The following ERI2 variants were observed in gnomAD, a reference collection of about 807,000 sequenced individuals.
ERI2 encodes the protein ERI1 exoribonuclease family member 2, also known as ERI1 exoribonuclease 2.
A neutral mutation model predicts 46.8 loss-of-function variants in ERI2; 35 were observed. The observed-to-expected ratio is 0.75, with a 90% CI of 0.57 to 0.99. The LOEUF is 0.99. Ranked by LOEUF, ERI2 falls within the 50% of genes least tolerant of loss-of-function variation. The pLI is 0.00. For synonymous variants in ERI2, 224 were observed against 271.0 expected, an observed-to-expected ratio of 0.83 and a Z score of 1.70; for missense variants, 695 against 796.2, an observed-to-expected ratio of 0.87 and a Z score of 1.53.
chr16:20,786,919 C>T (rs1207730680), intron 10 of ERI2, among the ~76,000 whole-genome samples: 3 of 152,092 alleles, frequency 2.0e-5, no homozygotes, highest in Admixed American at 1.3e-4. Flanking sequence ...ACCTTCTGAG[C>T]GGGTCAACTA....
downstream of ERI2, among the ~76,000 whole-genome samples, chr16:20,795,890 G>A (rs1283355980): frequency 6.6e-6 from 1 of 152,238 alleles, no homozygotes. Flanking sequence ...TTCTAGGAAG[G>A]ATAAAATTTG....
At chr16:20,786,436 T>TG in intron 10 of ERI2, 1 of 501,396 alleles carries the variant, frequency 2.0e-6, no homozygotes, top group Non-Finnish European at 3.0e-6. Flanking sequence ...ATCCCAACAC[T>TG]TTGGGAGGCC....
At chr16:20,785,477 A>G (rs1300601827) in intron 10 of ERI2, among the ~76,000 whole-genome samples, 1 of 152,202 alleles carries the variant, frequency 6.6e-6, no homozygotes. Flanking sequence ...AAATATTAAG[A>G]GTTTGCTGGA....
At chr16:20,802,597 A>G (rs1313376199) in intron 4 of ERI2, among the ~76,000 whole-genome samples, 199 bp downstream of exon 4, 1 of 144,282 alleles carries the variant, frequency 6.9e-6, no homozygotes, top group Non-Finnish European at 1.5e-5. Context: ...TTTTTTTTAG[A>G]GATGGGGTTC....
downstream of ERI2, chr16:20,791,966 A>G (rs968205624): frequency 6.2e-7 from 1 of 1,602,056 alleles, no homozygotes. Flanking sequence ...GAAGAGTTGG[A>G]TTCACCATAA....
intron 10 of ERI2, chr16:20,784,949 C>T (rs1347975073): frequency 6.3e-7 from 1 of 1,581,078 alleles, no homozygotes; most frequent in Non-Finnish European, 8.6e-7. Context: ...CTCCATTTTT[C>T]CTCCTAAATC....
Position 20,798,598 on chromosome 16 carries a change from C to G in ERI2, c.1202G>C (p.Cys401Ser). ...CTCCCAATCAGCCAACACAGGTAAA[C>G]AGTCCAGAGTAGAGCTCATTTCCAA... Reference protein sequence around the residue: ...SDLEMSSTLDCLPVLADWEDV... With the variant: ...SDLEMSSTLDSLPVLADWEDV... The change falls in exon 9 of 9, where the codon TGT (cysteine) becomes TCT (serine). Residue 401 changes from cysteine to serine, a missense_variant. Physicochemically the swap from Cys to Ser is moderately radical, Grantham distance 112. Transcript: ENST00000357967. 2 of 1,551,628 alleles carry G rather than the reference C, an allele frequency of 1.3e-6. No homozygotes were observed. The highest frequency in any genetic ancestry group is 1.7e-6 in the Non-Finnish European group (2 of 1,146,914).
intron 8 of ERI2, 50 bp downstream of exon 8, chr16:20,799,213 C>A (rs1241994778): frequency 1.3e-6 from 2 of 1,597,122 alleles, no homozygotes; most frequent in Admixed American, 3.4e-5. Flanking sequence ...GAACGTATGA[C>A]TGTTTATGAA....
intron 10 of ERI2, among the ~76,000 whole-genome samples, chr16:20,781,283 C>T (rs2080347604): frequency 6.6e-6 from 1 of 152,190 alleles, no homozygotes; most frequent in Non-Finnish European, 1.5e-5. Flanking sequence ...AAAAGATACA[C>T]TCGGCCCCCT....
intron 10 of ERI2, among the ~76,000 whole-genome samples, chr16:20,785,682 T>C (rs1452205024): frequency 6.6e-6 from 1 of 152,136 alleles, no homozygotes; most frequent in East Asian, 1.9e-4. Flanking sequence ...AAGGGAAAAG[T>C]TGAAAAAACT....
intron 1 of ERI2, among the ~76,000 whole-genome samples, chr16:20,804,633 T>C (rs2080833225): frequency 6.6e-6 from 1 of 151,962 alleles, no homozygotes; most frequent in African/African-American, 2.4e-5. Flanking sequence ...GCCACTGCAC[T>C]CCAGCATGGG....
chr16:20,798,978 C>G lies in ERI2; in HGVS notation c.822G>C (p.Gln274His), dbSNP rs1232308871. 2 of 1,545,904 alleles carry G rather than the reference C, an allele frequency of 1.3e-6. No homozygotes were observed. Among genetic ancestry groups the G allele is most frequent in the Non-Finnish European group, 1.7e-6 (2 of 1,145,658 alleles). ...GCTCCTTATTATATATGCTGGGACC[C>G]TGGATGCTAATGTTACAGGCAGACA... ...EEMSACNISI[Q>H]GPSIYNKEPK... The change falls in exon 9 of 9, where the codon CAG (glutamine) becomes CAC (histidine). Residue 274 changes from glutamine (Q) to histidine (H), a missense_variant. By Grantham distance (24) the Gln-to-His change is conservative. Coordinates refer to ENST00000357967, the MANE Select transcript of ERI2 (RefSeq NM_001142725.2).
exon 11 of ERI2, chr16:20,780,694 T>C (rs113477819): frequency 2.5e-6 from 4 of 1,614,220 alleles, no homozygotes; most frequent in Non-Finnish European, 3.4e-6. Context: ...CATGCAGTCA[T>C]TGTAGTTTTT....
Position 20,800,338 on chromosome 16 carries a change from A to T in ERI2, c.525T>A (p.Phe175Leu). ...CKRKQLLKPV[F>L]LNSWIDLRAT... ...CTCTGAGATCAATCCAAGAATTTAA[A>T]AACACAGGTTTTAACAGCTGCTTTC... The change falls in exon 6 of 9, where the codon TTT becomes TTA. Residue 175 changes from phenylalanine (F) to leucine (L), a missense_variant. By Grantham distance (22) the Phe-to-Leu change is conservative. Transcript: ENST00000357967. 6.2e-7 allele frequency: 1 copy of T among 1,610,786 alleles called. No homozygotes were observed. The highest frequency in any genetic ancestry group is 1.3e-5 in the African/African-American group (1 of 74,966).
chr16:20,792,432 C>T, downstream of ERI2: 1 of 1,564,548 alleles, frequency 6.4e-7, no homozygotes. Context: ...CCAAATGATT[C>T]ATTTACTAAA....
downstream of ERI2, chr16:20,791,990 T>C (rs747080513): frequency 1.5e-5 from 25 of 1,613,422 alleles, 1 homozygote; most frequent in South Asian, 2.5e-4. Flanking sequence ...CAAAATGCTA[T>C]TTGTTTTGCA....
chr16:20,802,575 T>A (rs2080807766), intron 4 of ERI2, among the ~76,000 whole-genome samples: 1 of 119,748 alleles, frequency 8.4e-6, no homozygotes, highest in Admixed American at 8.2e-5. Context: ...CTAATTTAAA[T>A]TTTTTTTTTT....
intron 4 of ERI2, among the ~76,000 whole-genome samples, chr16:20,801,638 A>G (rs562431996): frequency 1.6e-4 from 24 of 152,360 alleles, no homozygotes; most frequent in African/African-American, 5.8e-4. Context: ...CAGAAATATG[A>G]TCATTAAGTC....
At chr16:20,802,644 C>A in intron 4 of ERI2, 152 bp downstream of exon 4, 1 of 831,748 alleles carries the variant, frequency 1.2e-6, no homozygotes, top group Non-Finnish European at 1.7e-6. Context: ...AACTCCTGGC[C>A]TCAAGCAATT....
Sources: allele counts gnomAD v4.1 joint callset (sites outside exome capture counted in the v4.1 genomes callset), GRCh38; gene constraint gnomAD v4.1.1; transcripts MANE v1.5; gene names NCBI Gene and HGNC (gene_info 2026-07-23, HGNC 2026-07-21).